Variants in ARHGAP26 observed in about 807,000 individuals in gnomAD.
ARHGAP26 encodes rho GTPase-activating protein 26.
ARHGAP26 carries 38 observed loss-of-function variants against 104.8 expected under a neutral mutation model. That is an observed-to-expected ratio of 0.36 (90% confidence interval 0.28 to 0.48). ARHGAP26 has a LOEUF of 0.48. Among genes scored for constraint, ARHGAP26 ranks in the 20% least tolerant of loss-of-function variants. The pLI is 0.99. For synonymous variants in ARHGAP26, 341 were observed against 340.0 expected (o/e 1.00, Z -0.03); for missense variants, 704 against 947.9 (o/e 0.74, Z 3.38).
At chr5:143,147,645 A>C (rs1391091665) in intron 20 of ARHGAP26, 4 of 405,268 alleles carry the variant, frequency 9.9e-6, no homozygotes, top group Non-Finnish European at 1.8e-5. Context: ...GGTGATAGCT[A>C]TTGCCTGTGC....
Position 143,133,233 on chromosome 5 carries a change from T to C in ARHGAP26, c.1699-734T>C, listed in dbSNP as rs138216148. 5.3e-3 allele frequency among the ~76,000 whole-genome samples: 806 copies of C among 152,258 alleles called. 4 individuals carry two copies. Among genetic ancestry groups the C allele is most frequent in the Non-Finnish European group, 8.6e-3 (584 of 67,998 alleles). On this transcript the variant is annotated intron_variant, in intron 18 of 22. Coordinates refer to ENST00000645722, the MANE Select transcript of ARHGAP26 (RefSeq NM_001135608.3). ...AAGCCCCTCCTCCAAAAAAAAAGCT[T>C]ATAAATAAATAAAACCTAAATGCTA...
intron 19 of ARHGAP26, among the ~76,000 whole-genome samples, chr5:143,134,784 TCC>T: frequency 6.6e-6 from 1 of 152,236 alleles, no homozygotes. Context: ...TAAGAGAGCC[TCC>T]ATTTGCTCAT....
intron 19 of ARHGAP26, among the ~76,000 whole-genome samples, chr5:143,141,729 C>T (rs1798560931): frequency 6.6e-6 from 1 of 152,174 alleles, no homozygotes; most frequent in Non-Finnish European, 1.5e-5. Context: ...TTCCTAAAAG[C>T]AAGTCTCACA....
At chr5:143,016,432 C>T (rs1015998169) in intron 12 of ARHGAP26, among the ~76,000 whole-genome samples, 4 of 152,104 alleles carry the variant, frequency 2.6e-5, no homozygotes, top group Non-Finnish European at 5.9e-5. Flanking sequence ...TTTGCCAGCA[C>T]GGTGGCTCAC....
chr5:143,089,977 TCCACCACAATA>T (rs1226982327), intron 17 of ARHGAP26, among the ~76,000 whole-genome samples: 4 of 152,184 alleles, frequency 2.6e-5, no homozygotes, highest in Non-Finnish European at 4.4e-5. Flanking sequence ...CCAGTAAAGG[TCCACCACAATA>T]CCACCACACA....
At chr5:143,100,135 G>A (rs572120382) in intron 17 of ARHGAP26, among the ~76,000 whole-genome samples, 1 of 152,264 alleles carries the variant, frequency 6.6e-6, no homozygotes, top group South Asian at 2.1e-4. Context: ...TGAGACTAGA[G>A]CAAATGGGAA....
chr5:142,771,405 G>A, intron 1 of ARHGAP26: 1 of 1,231,838 alleles, frequency 8.1e-7, no homozygotes, highest in Non-Finnish European at 1.0e-6. Flanking sequence ...CTCCCTGTAC[G>A]CAGCTCCAGC....
At chr5:142,926,154 GT>G (rs773629683) in intron 10 of ARHGAP26, among the ~76,000 whole-genome samples, 13 of 152,178 alleles carry the variant, frequency 8.5e-5, no homozygotes, top group Admixed American at 3.3e-4. Flanking sequence ...TCCTGAATGT[GT>G]TGCTAAACCA....
intron 1 of ARHGAP26, among the ~76,000 whole-genome samples, chr5:142,868,604 C>G (rs1047800589): frequency 1.3e-5 from 2 of 152,048 alleles, no homozygotes; most frequent in African/African-American, 4.8e-5. Flanking sequence ...CATGAGGGAG[C>G]CTGCTGTGTG....
chr5:143,122,135 T>A (rs373794316), intron 18 of ARHGAP26, among the ~76,000 whole-genome samples: 1 of 152,224 alleles, frequency 6.6e-6, no homozygotes, highest in Non-Finnish European at 1.5e-5. Flanking sequence ...TTTTTTTTAA[T>A]GTTAAGCCAG....
At chr5:142,886,433 T>C (rs1470663534) in intron 5 of ARHGAP26, among the ~76,000 whole-genome samples, 1 of 152,198 alleles carries the variant, frequency 6.6e-6, no homozygotes, top group Admixed American at 6.5e-5. Flanking sequence ...TGCTTTGAAA[T>C]AAGTATTTAA....
At chr5:142,817,932 T>A (rs1246921324) in intron 1 of ARHGAP26, among the ~76,000 whole-genome samples, 2 of 152,226 alleles carry the variant, frequency 1.3e-5, no homozygotes, top group African/African-American at 2.4e-5. Context: ...TTTGTGAACT[T>A]TGACAGCTTT....
At chr5:143,016,700 C>T (rs1336436413) in intron 12 of ARHGAP26, among the ~76,000 whole-genome samples, 1 of 34,524 alleles carries the variant, frequency 2.9e-5, no homozygotes, top group Non-Finnish European at 7.3e-5. Context: ...GAGACTCTGT[C>T]TCAAAAAAAA....
intron 5 of ARHGAP26, among the ~76,000 whole-genome samples, chr5:142,886,021 A>G (rs967118335): frequency 5.3e-5 from 8 of 152,216 alleles, no homozygotes; most frequent in Admixed American, 4.6e-4. Flanking sequence ...AAGAAAAATG[A>G]TGGAGCCATC....
chr5:143,120,762 G>A (rs143636904), intron 17 of ARHGAP26, among the ~76,000 whole-genome samples: 1 of 152,326 alleles, frequency 6.6e-6, no homozygotes, highest in East Asian at 1.9e-4. Context: ...AGGCAAAATG[G>A]AAATGATAAA....
At chr5:143,048,440 T>C (rs1784525167) in intron 14 of ARHGAP26, among the ~76,000 whole-genome samples, 1 of 151,528 alleles carries the variant, frequency 6.6e-6, no homozygotes, top group Non-Finnish European at 1.5e-5. Flanking sequence ...TTTGTATTTT[T>C]AGTAGAGACG....
intron 1 of ARHGAP26, among the ~76,000 whole-genome samples, chr5:142,833,749 CT>C (rs1382000312): frequency 6.6e-6 from 1 of 152,208 alleles, no homozygotes; most frequent in Non-Finnish European, 1.5e-5. Flanking sequence ...GATGTGGCCA[CT>C]ACCCCTACAG....
chr5:142,994,237 C>T (rs1465051356), intron 11 of ARHGAP26, among the ~76,000 whole-genome samples: 3 of 152,126 alleles, frequency 2.0e-5, no homozygotes, highest in Admixed American at 6.6e-5. Flanking sequence ...GAAGGATGTT[C>T]ACGGGCAGAG....
At chr5:143,195,806 G>A (rs1252726571) in intron 20 of ARHGAP26, among the ~76,000 whole-genome samples, 4 of 151,706 alleles carry the variant, frequency 2.6e-5, no homozygotes, top group Non-Finnish European at 5.9e-5. Context: ...GGGTGGCTGG[G>A]GAGACTTTTT....
Sources: allele counts gnomAD v4.1 joint callset (sites outside exome capture counted in the v4.1 genomes callset), GRCh38; gene constraint gnomAD v4.1.1; transcripts MANE v1.5; gene names NCBI Gene and HGNC (gene_info 2026-07-23, HGNC 2026-07-21).